Variants in CHRNA5 observed in about 807,000 individuals in gnomAD.
CHRNA5 encodes neuronal acetylcholine receptor subunit alpha-5.
In CHRNA5, 28 loss-of-function variants were observed where a neutral mutation model predicts 41.2. That is an observed-to-expected ratio of 0.68 (90% CI 0.50 to 0.93). CHRNA5 has a LOEUF of 0.93. Among genes scored for constraint, CHRNA5 ranks in the 40% least tolerant of loss-of-function variants. CHRNA5 has a pLI of 0.00. For synonymous variants in CHRNA5, 188 were observed against 205.8 expected (o/e 0.91, Z 0.74); for missense variants, 481 against 581.9 (o/e 0.83, Z 1.78).
At chr15:78,581,575 G>GT (rs2141411630) in intron 2 of CHRNA5, among the ~76,000 whole-genome samples, 1 of 152,158 alleles carries the variant, frequency 6.6e-6, no homozygotes, top group Admixed American at 6.5e-5. Context: ...AAATAACCAA[G>GT]TATATGTATA....
chr15:78,580,279 C>CAA lies in CHRNA5; in HGVS notation c.107-510_107-509dup, dbSNP rs71148541. 8.3e-3 allele frequency among the ~76,000 whole-genome samples: 502 copies of CAA among 60,588 alleles called. 23 individuals carry two copies. The highest frequency in any genetic ancestry group is 0.015 in the East Asian group (30 of 2,010). 39.7% of individuals were successfully genotyped at this position (60,588 alleles called of 152,430 possible). On this transcript the variant is annotated intron_variant, in intron 1 of 5. Coordinates refer to ENST00000299565, the Ensembl canonical transcript of CHRNA5. ...TGGGAGACCAGGCAGGACTCCGTCT[C>CAA]AAAAAAAAAAAAAAAAAAAAAAAGA... is the stretch of plus-strand genomic sequence containing the variant.
intron 1 of CHRNA5, among the ~76,000 whole-genome samples, chr15:78,571,095 C>T (rs2052800610): frequency 6.6e-6 from 1 of 152,208 alleles, no homozygotes; most frequent in Non-Finnish European, 1.5e-5. Context: ...GAAGCAGGGC[C>T]TGAGACTCTG....
intron 2 of CHRNA5, among the ~76,000 whole-genome samples, chr15:78,583,702 A>G (rs1767893889): frequency 6.6e-6 from 1 of 152,034 alleles, no homozygotes; most frequent in African/African-American, 2.4e-5. Context: ...CTCAAAAAAA[A>G]AAAAAAAGAA....
At chr15:78,595,104 G>T in exon 6 of CHRNA5, 1 of 162,302 alleles carries the variant, frequency 6.2e-6, no homozygotes. Flanking sequence ...TATCTAATTT[G>T]CATTTAATCG....
chr15:78,575,225 TAA>T (rs1246170359), intron 1 of CHRNA5, among the ~76,000 whole-genome samples: 1 of 152,192 alleles, frequency 6.6e-6, no homozygotes, highest in East Asian at 1.9e-4. Context: ...TGAATGATAG[TAA>T]GAGTTAAAAT....
exon 5 of CHRNA5, chr15:78,589,940 C>G (rs1382179893): frequency 3.7e-6 from 6 of 1,614,062 alleles, no homozygotes; most frequent in Non-Finnish European, 5.1e-6. Flanking sequence ...ACCTTCAGAA[C>G]TGTTCCATGA....
chr15:78,565,939 G>T lies in CHRNA5; in HGVS notation c.106+114G>T, dbSNP rs113411337. 6.6e-6 allele frequency: 3 copies of T among 457,002 alleles called. No individual in the cohort carries two copies. The East Asian group carries it at 1.3e-4, about 20-fold the overall frequency. The allele number at this position is 457,002 out of a possible 1,614,324, so 28.3% of individuals were successfully genotyped here. Reference sequence around the variant, plus strand: ...AAAACCTGGTTGCGAGGGGAGGTGGGTTTTTTTCTCCTGGGGGCTTGGAGT... The same window carrying T: ...AAAACCTGGTTGCGAGGGGAGGTGGTTTTTTTTCTCCTGGGGGCTTGGAGT... On this transcript the variant is annotated intron_variant, in intron 1 of 5. Transcript: ENST00000299565.
At chr15:78,565,667 C>T in exon 1 of CHRNA5, 1 of 650,048 alleles carries the variant, frequency 1.5e-6, no homozygotes, top group Non-Finnish European at 2.0e-6. Context: ...GTTCGCGTTC[C>T]CCGCGCGGCG....
At chr15:78,590,688 AG>A (rs2053005240) in intron 5 of CHRNA5, 52 bp downstream of exon 5, 2 of 1,478,340 alleles carry the variant, frequency 1.4e-6, no homozygotes, top group South Asian at 2.6e-5. Context: ...TAAGTTCAGA[AG>A]TTACTTTCAT....
exon 5 of CHRNA5, chr15:78,589,899 T>C: frequency 6.2e-7 from 1 of 1,614,204 alleles, no homozygotes; most frequent in Non-Finnish European, 8.5e-7. Context: ...CAAAAGTTCC[T>C]GTACCATAGA....
At chr15:78,570,153 A>G (rs2052788560) in intron 1 of CHRNA5, among the ~76,000 whole-genome samples, 1 of 152,126 alleles carries the variant, frequency 6.6e-6, no homozygotes, top group African/African-American at 2.4e-5. Flanking sequence ...AATATGATAG[A>G]AAGGATTATT....
intron 1 of CHRNA5, among the ~76,000 whole-genome samples, chr15:78,575,008 G>C (rs888171080): frequency 2.0e-5 from 3 of 151,454 alleles, no homozygotes; most frequent in African/African-American, 7.3e-5. Flanking sequence ...AAAAATTGTG[G>C]CTTATGGATG....
At chr15:78,567,130 G>A (rs1204155637) in intron 1 of CHRNA5, among the ~76,000 whole-genome samples, 1 of 152,020 alleles carries the variant, frequency 6.6e-6, no homozygotes, top group Admixed American at 6.5e-5. Flanking sequence ...GTGCGCGCCT[G>A]TAGTCCCAGC....
At chr15:78,582,993 T>C (rs545113348) in intron 2 of CHRNA5, among the ~76,000 whole-genome samples, 3 of 152,338 alleles carry the variant, frequency 2.0e-5, no homozygotes, top group Admixed American at 6.5e-5. Context: ...GTGAAATCTT[T>C]CCAGAATCCA....
At chr15:78,579,322 C>CG (rs1397930422) in intron 1 of CHRNA5, among the ~76,000 whole-genome samples, 2 of 152,138 alleles carry the variant, frequency 1.3e-5, no homozygotes, top group Non-Finnish European at 2.9e-5. Flanking sequence ...GGCACAATCT[C>CG]GGCTCACTGC....
rs1267535879 is a variant in CHRNA5, at chr15:78,580,823, CT to C, written c.121del (p.Ser41LeufsTer28). 2 of 1,611,802 alleles carry C rather than the reference CT, an allele frequency of 1.2e-6. No individual in the cohort carries two copies. The highest frequency in any genetic ancestry group is 1.7e-5 in the Admixed American group (1 of 59,912). On this transcript the variant is annotated frameshift_variant, in exon 2 of 6. Transcript: ENST00000299565. LOFTEE classifies it high-confidence loss of function. Reference sequence around the variant, plus strand: ...ATTTGTTATACAGGATTATCTGAACCTTCTTCTATTGCAAAACATGAAGATA... The same window carrying C: ...ATTTGTTATACAGGATTATCTGAACCTCTTCTATTGCAAAACATGAAGATA...
intron 5 of CHRNA5, 196 bp downstream of exon 5, chr15:78,590,832 C>A: frequency 1.8e-6 from 1 of 559,890 alleles, no homozygotes; most frequent in Non-Finnish European, 3.1e-6. Context: ...CAAAATGGGG[C>A]ATTTACACAA....
At position 78,593,157 on chromosome 15, in the gene CHRNA5, C is replaced by T. The variant is rs202136309; in HGVS notation, c.1311C>T (p.Phe437=). The T allele has an allele frequency of 1.4e-5, 22 of 1,613,696 alleles. No homozygotes were observed. The Admixed American group carries it at 1.5e-4, about 11-fold the overall frequency. ...GGATGTTTCTGTGGACTTTTCTTTT[C>T]GTTTCAATTGTTGGATCTCTTGGGC... Residue 437 remains phenylalanine (F), a synonymous_variant, in exon 6 of 6, where the codon TTC becomes TTT. Transcript: ENST00000299565.
At chr15:78,570,565 C>T (rs368876917) in intron 1 of CHRNA5, among the ~76,000 whole-genome samples, 13 of 151,842 alleles carry the variant, frequency 8.6e-5, no homozygotes, top group East Asian at 5.8e-4. Flanking sequence ...CCACCACGCC[C>T]GGCCCCTCCT....
Sources: allele counts gnomAD v4.1 joint callset (sites outside exome capture counted in the v4.1 genomes callset), GRCh38; gene constraint gnomAD v4.1.1; transcripts MANE v1.5; gene names NCBI Gene and HGNC (gene_info 2026-07-23, HGNC 2026-07-21).